The following PALD1 variants were observed in gnomAD, a reference collection of about 807,000 sequenced individuals.
PALD1 encodes phosphatase domain containing paladin 1, also known as paladin.
A neutral mutation model predicts 96.0 loss-of-function variants in PALD1; 57 were observed. The observed-to-expected ratio is 0.59, with a 90% confidence interval of 0.48 to 0.74. The LOEUF (loss-of-function observed/expected upper bound fraction) is 0.74, where lower values mean the gene tolerates loss of function less well. Ranked by LOEUF, PALD1 falls within the 30% of genes least tolerant of loss-of-function variation. The probability of loss-of-function intolerance (pLI) is 0.00; values close to 1 mark genes in which losing one functional copy is unlikely to be tolerated. For synonymous variants in PALD1, 464 were observed against 473.6 expected (o/e 0.98, Z 0.26); for missense variants, 1,063 against 1,143.7 (o/e 0.93, Z 1.02).
intron 19 of PALD1, among the ~76,000 whole-genome samples, chr10:70,564,891 T>C (rs1847813688): frequency 6.6e-6 from 1 of 152,174 alleles, no homozygotes; most frequent in Non-Finnish European, 1.5e-5. Flanking sequence ...ATGCCCACAA[T>C]TGTGGTCAGC....
intron 1 of PALD1, among the ~76,000 whole-genome samples, chr10:70,507,748 T>TGA (rs1281731453): frequency 1.3e-5 from 1 of 78,668 alleles, no homozygotes; most frequent in Admixed American, 1.8e-4. Context: ...GTTTTGTGTG[T>TGA]GCGTGTGTGT....
rs527838393 is a variant in PALD1 at position 70,566,600 on chromosome 10, T to C, written c.2438T>C (p.Ile813Thr). The change falls in exon 20 of 20, where the codon ATC (isoleucine) becomes ACC (threonine). Residue 813 changes from isoleucine (I) to threonine (T), a missense_variant. Ile to Thr is a moderately conservative substitution (Grantham distance 89, BLOSUM62 -1). Transcript: ENST00000263563. ...TCCCAGGTGGCATCGAAGGCTGGCA[T>C]CTACGAGATCCTTAACGAGCTGGGC... The part of the protein sequence containing the change: ...WMQEVASKAG[I>T]YEILNELGFP... The C allele has an allele frequency of 8.7e-6, 14 of 1,610,974 alleles. No homozygotes were observed. In the East Asian group the frequency reaches 2.5e-4, roughly 28 times the overall value.
At chr10:70,523,881 C>G (rs1483634417) in intron 1 of PALD1, among the ~76,000 whole-genome samples, 1 of 152,032 alleles carries the variant, frequency 6.6e-6, no homozygotes, top group Non-Finnish European at 1.5e-5. Context: ...GGAGGTGGCT[C>G]TAGGGTAGGA....
At chr10:70,460,376 G>A in the PALD1 span, among the ~76,000 whole-genome samples, 5 of 152,110 alleles carry the variant, frequency 3.3e-5, no homozygotes, top group Admixed American at 3.3e-4. Flanking sequence ...GCACCCACCG[G>A]CCTACCGTGC....
chr10:70,511,915 T>C (rs1159673022), intron 1 of PALD1, among the ~76,000 whole-genome samples: 3 of 152,060 alleles, frequency 2.0e-5, no homozygotes, highest in Non-Finnish European at 4.4e-5. Flanking sequence ...TAGTCCCAGC[T>C]ACTCGGGAGG....
intron 1 of PALD1, among the ~76,000 whole-genome samples, chr10:70,497,559 A>T (rs1846216529): frequency 1.3e-5 from 2 of 149,104 alleles, no homozygotes; most frequent in South Asian, 4.3e-4. Context: ...TATAGGCATT[A>T]AAAACTTTTT....
rs946614553 is a variant in PALD1, at chr10:70,540,947, C to A, written c.1909-155C>A. 3.9e-5 allele frequency among the ~76,000 whole-genome samples: 6 copies of A among 152,348 alleles called. No individual in the cohort carries two copies. The South Asian group carries it at 1.0e-3, about 26-fold the overall frequency. ...CTGTTTACACGCACATGGTCTCATG[C>A]ACCCCGGTGAGTTTTGTTTGTGTGT... On this transcript the variant is annotated intron_variant, in intron 15 of 19. Coordinates refer to ENST00000263563, the MANE Select transcript of PALD1 (RefSeq NM_014431.3). The surrounding 1 kb of genome is among the most constrained non-coding windows in gnomAD (Gnocchi z 4.2).
At chr10:70,530,852 G>A (rs1043385962) in intron 4 of PALD1, among the ~76,000 whole-genome samples, 12 of 152,072 alleles carry the variant, frequency 7.9e-5, no homozygotes, top group Non-Finnish European at 1.6e-4. Flanking sequence ...GAATGATTGC[G>A]TGGTCATGGG....
At chr10:70,529,620 G>A (rs1407033808) in intron 3 of PALD1, among the ~76,000 whole-genome samples, 2 of 152,064 alleles carry the variant, frequency 1.3e-5, no homozygotes, top group Admixed American at 6.5e-5. Flanking sequence ...TGGCTCAGAC[G>A]TCACCTCCCA....
At chr10:70,528,677 C>T (rs1305370262) in intron 2 of PALD1, among the ~76,000 whole-genome samples, 1 of 152,144 alleles carries the variant, frequency 6.6e-6, no homozygotes, top group East Asian at 1.9e-4. Flanking sequence ...ATAAAGTAAC[C>T]CAGATAAGAT....
intron 18 of PALD1, among the ~76,000 whole-genome samples, chr10:70,548,270 A>C (rs1847408277): frequency 6.6e-6 from 1 of 151,386 alleles, no homozygotes. Context: ...GTGCCATTGC[A>C]CTCCAGCTTG....
chr10:70,564,262 C>A, intron 18 of PALD1, 102 bp from the exon 19 acceptor site: 1 of 1,256,036 alleles, frequency 8.0e-7, no homozygotes, highest in Non-Finnish European at 1.1e-6. Flanking sequence ...AGCTCTGAGG[C>A]TGGATCACCC....
At chr10:70,501,802 A>C (rs74139654) in intron 1 of PALD1, among the ~76,000 whole-genome samples, 3,602 of 68,772 alleles carry the variant, frequency 0.052, 139 homozygotes, top group African/African-American at 0.12. Context: ...GTCCTTCCAG[A>C]CATTTTTACT....
At chr10:70,544,285 A>G (rs1464433161) in intron 17 of PALD1, among the ~76,000 whole-genome samples, 3 of 152,046 alleles carry the variant, frequency 2.0e-5, no homozygotes, top group African/African-American at 7.2e-5. Flanking sequence ...GATTCTGGAA[A>G]GGGCAGGAAC....
At chr10:70,469,538 G>C in the PALD1 span, among the ~76,000 whole-genome samples, 2 of 152,192 alleles carry the variant, frequency 1.3e-5, no homozygotes, top group East Asian at 1.9e-4. Flanking sequence ...AGAGGTGAGC[G>C]GGCTGATAAG....
At position 70,566,709 on chromosome 10, in the gene PALD1, C is replaced by T. The variant is rs748948930; in HGVS notation, c.2547C>T (p.Pro849=). ...RWQEQSCSLE[P]SAPEDLL ...AGGAGCAGAGCTGCAGCCTCGAGCC[C>T]TCTGCCCCCGAGGACTTGCTGTAGG... is the stretch of plus-strand genomic sequence containing the variant. Residue 849 remains proline (P), a synonymous_variant, in exon 20 of 20, where the codon CCC becomes CCT. Transcript: ENST00000263563. 16 of 1,603,304 alleles carry T rather than the reference C, an allele frequency of 1.0e-5. No homozygotes were observed. In the African/African-American group the frequency reaches 1.9e-4, roughly 19 times the overall value.
At chr10:70,491,181 G>A (rs907066369) in intron 1 of PALD1, among the ~76,000 whole-genome samples, 2 of 152,178 alleles carry the variant, frequency 1.3e-5, no homozygotes, top group African/African-American at 4.8e-5. Flanking sequence ...TCCTGACTTC[G>A]TGATCCACTT....
At chr10:70,565,112 A>G (rs1406236752) in intron 19 of PALD1, among the ~76,000 whole-genome samples, 1 of 152,204 alleles carries the variant, frequency 6.6e-6, no homozygotes, top group Non-Finnish European at 1.5e-5. Flanking sequence ...TGGAGCCTGT[A>G]CTAGGCAGGT....
chr10:70,557,734 G>A (rs1042697963), intron 18 of PALD1, among the ~76,000 whole-genome samples: 1 of 152,100 alleles, frequency 6.6e-6, no homozygotes, highest in African/African-American at 2.4e-5. Context: ...TCAGCCACTG[G>A]CCATCTTTGG....
Sources: allele counts gnomAD v4.1 joint callset (sites outside exome capture counted in the v4.1 genomes callset), GRCh38; gene constraint gnomAD v4.1.1; non-coding constraint Gnocchi (gnomAD v3.1); transcripts MANE v1.5; gene names NCBI Gene and HGNC (gene_info 2026-07-23, HGNC 2026-07-21).